PRH1: variants seen among roughly 807,000 people sequenced by gnomAD.
PRH1 encodes proline rich protein HaeIII subfamily 1.
In PRH1, 7 loss-of-function variants were observed where a neutral mutation model predicts 7.9. That is an observed-to-expected ratio of 0.89 (90% CI 0.50 to 1.67). The LOEUF (loss-of-function observed/expected upper bound fraction) is 1.67. PRH1 is among the 40% of genes most tolerant of loss of function. PRH1 has a pLI of 0.00. For synonymous variants in PRH1, 45 were observed against 80.8 expected (o/e 0.56, Z 2.38); for missense variants, 109 against 223.6 (o/e 0.49, Z 3.27).
chr12:11,098,851 T>C (rs936767341), intron 1 of PRH1, among the ~76,000 whole-genome samples: 59 of 152,130 alleles, frequency 3.9e-4, no homozygotes, highest in Non-Finnish European at 7.6e-4. Flanking sequence ...GCACACCACT[T>C]ATGAATGGAA....
upstream of PRH1, among the ~76,000 whole-genome samples, chr12:10,886,444 A>G (rs2135785552): frequency 6.6e-6 from 1 of 152,336 alleles, no homozygotes; most frequent in Middle Eastern, 3.4e-3. Context: ...ACCTGCTCCA[A>G]TGTCAGCAAT....
chr12:11,109,460 T>C (rs923514379), intron 1 of PRH1, among the ~76,000 whole-genome samples: 1 of 152,116 alleles, frequency 6.6e-6, no homozygotes, highest in Non-Finnish European at 1.5e-5. Context: ...GGATGAAGCT[T>C]CCAGAGGAAG....
chr12:11,164,262 C>A (rs772044580), intron 1 of PRH1, among the ~76,000 whole-genome samples: 1 of 152,098 alleles, frequency 6.6e-6, no homozygotes, highest in Non-Finnish European at 1.5e-5. Flanking sequence ...CCTAATAGAA[C>A]AAAAAGCTGG....
At chr12:11,066,976 T>C (rs1438815317) in intron 1 of PRH1, among the ~76,000 whole-genome samples, 2 of 152,208 alleles carry the variant, frequency 1.3e-5, no homozygotes, top group Non-Finnish European at 2.9e-5. Context: ...TCAATATGAA[T>C]ATAGAAAAAT....
At chr12:11,115,052 T>C (rs771208683) in intron 1 of PRH1, among the ~76,000 whole-genome samples, 7 of 152,070 alleles carry the variant, frequency 4.6e-5, no homozygotes, top group South Asian at 2.1e-4. Context: ...TAACTACCAA[T>C]ACTAACATTG....
At chr12:11,045,118 T>A (rs1358327284) in intron 1 of PRH1, among the ~76,000 whole-genome samples, 1 of 152,084 alleles carries the variant, frequency 6.6e-6, no homozygotes, top group South Asian at 2.1e-4. Context: ...TGGAGTACAA[T>A]TGAGCCATTA....
intron 1 of PRH1, among the ~76,000 whole-genome samples, chr12:11,111,303 T>A (rs1945584077): frequency 1.3e-5 from 2 of 152,212 alleles, no homozygotes; most frequent in Admixed American, 1.3e-4. Context: ...CAAGCTGACC[T>A]AATAGACATC....
chr12:10,975,683 C>T (rs80095388), intron 1 of PRH1, among the ~76,000 whole-genome samples: 68 of 150,176 alleles, frequency 4.5e-4, no homozygotes, highest in African/African-American at 1.6e-3. Context: ...ACCCATCTCA[C>T]GTGTAATGAT....
At chr12:10,930,411 A>T in intron 2 of PRH1, 1 of 1,495,046 alleles carries the variant, frequency 6.7e-7, no homozygotes, top group Non-Finnish European at 9.3e-7. Flanking sequence ...GGCTAATATC[A>T]GTGCCCCAGA....
At chr12:11,098,674 T>C (rs778079217) in intron 1 of PRH1, among the ~76,000 whole-genome samples, 1 of 152,218 alleles carries the variant, frequency 6.6e-6, no homozygotes, top group Non-Finnish European at 1.5e-5. Context: ...CTTTTTAAAA[T>C]GCCAGATTTG....
At chr12:11,118,117 A>G (rs547630389), downstream of PRH1, among the ~76,000 whole-genome samples, 1 of 152,334 alleles carries the variant, frequency 6.6e-6, no homozygotes, top group African/African-American at 2.4e-5. Context: ...ATGATCAACA[A>G]AGTGAAGAGA....
chr12:11,105,924 G>A (rs1490609654), intron 1 of PRH1, among the ~76,000 whole-genome samples: 1 of 149,694 alleles, frequency 6.7e-6, no homozygotes. Flanking sequence ...TAATACTTTT[G>A]AATAACTTAT....
At chr12:11,067,941 A>G (rs1359938468) in intron 1 of PRH1, among the ~76,000 whole-genome samples, 6 of 152,234 alleles carry the variant, frequency 3.9e-5, no homozygotes, top group Admixed American at 2.0e-4. Context: ...TTCAGCAAAT[A>G]CTCTAATAAC....
chr12:10,984,586 A>T (rs1053836167), intron 1 of PRH1, among the ~76,000 whole-genome samples: 4 of 152,098 alleles, frequency 2.6e-5, no homozygotes, highest in Non-Finnish European at 5.9e-5. Context: ...GATCTATATG[A>T]TCTCTGCTTT....
chr12:11,063,492 C>G (rs997763499), intron 1 of PRH1, among the ~76,000 whole-genome samples: 15 of 152,032 alleles, frequency 9.9e-5, no homozygotes, highest in Non-Finnish European at 1.8e-4. Flanking sequence ...CTAACTACTA[C>G]CAAGATTCAG....
At chr12:11,151,563 C>T (rs1208948183) in intron 1 of PRH1, among the ~76,000 whole-genome samples, 3 of 152,170 alleles carry the variant, frequency 2.0e-5, no homozygotes, top group African/African-American at 4.8e-5. Context: ...TGTATTTGCT[C>T]TCTTCCTTTT....
intron 2 of PRH1, among the ~76,000 whole-genome samples, chr12:10,966,434 T>G (rs1938502557): frequency 6.6e-6 from 1 of 152,196 alleles, no homozygotes; most frequent in Non-Finnish European, 1.5e-5. Flanking sequence ...GAGTTTCTTT[T>G]CCTTTTCTGT....
Position 11,053,854 on chromosome 12 carries a change from CTT to C in PRH1, n.124-6668_124-6667del, listed in dbSNP as rs140670106. On this transcript the variant is annotated intron_variant and non_coding_transcript_variant, in intron 1 of 4. Transcript: ENST00000541977. The stretch of plus-strand genomic sequence containing the variant: ...TGTGTGTGTGAGATGGAGTTTCGCT[CTT>C]GTCACCCAGGCTGCAGTGCAATGGC... 8.0e-3 allele frequency among the ~76,000 whole-genome samples: 1,210 copies of C among 152,110 alleles called. 18 individuals carry two copies. Among genetic ancestry groups the C allele is most frequent in the African/African-American group, 0.027 (1,111 of 41,482 alleles).
At chr12:11,030,218 C>A (rs1326835778) in intron 1 of PRH1, among the ~76,000 whole-genome samples, 1 of 102,188 alleles carries the variant, frequency 9.8e-6, no homozygotes, top group Non-Finnish European at 1.9e-5. Flanking sequence ...AGTTTTCATA[C>A]ACACATAAAC....
Sources: allele counts gnomAD v4.1 joint callset (sites outside exome capture counted in the v4.1 genomes callset), GRCh38; gene constraint gnomAD v4.1.1; transcripts MANE v1.5; gene names NCBI Gene and HGNC (gene_info 2026-07-23, HGNC 2026-07-21).